Variants in ZNF831 observed in about 807,000 individuals in gnomAD.
ZNF831 encodes the protein zinc finger protein 831.
ZNF831 carries 59 observed loss-of-function variants against 95.8 expected under a neutral mutation model. The observed-to-expected ratio is 0.62, with a 90% CI of 0.50 to 0.77. The LOEUF is 0.77. Among genes scored for constraint, ZNF831 ranks in the 30% least tolerant of loss-of-function variants. The pLI is 0.00. For missense variants in ZNF831, 2,205 were observed against 2,164.0 expected (o/e 1.02, Z -0.38); for synonymous variants, 961 against 925.5 (o/e 1.04, Z -0.70).
intron 1 of ZNF831, among the ~76,000 whole-genome samples, chr20:59,129,244 C>CATGTGTGT (rs1979273990): frequency 6.6e-6 from 1 of 151,802 alleles, no homozygotes; most frequent in South Asian, 2.1e-4. Context: ...TGTGCATGTG[C>CATGTGTGT]ATGTGTGTAT....
At chr20:59,126,735 T>C (rs1979183104) in intron 1 of ZNF831, among the ~76,000 whole-genome samples, 1 of 152,234 alleles carries the variant, frequency 6.6e-6, no homozygotes, top group Non-Finnish European at 1.5e-5. Flanking sequence ...ATCAGCCACC[T>C]TGCACATGCT....
intron 4 of ZNF831, among the ~76,000 whole-genome samples, chr20:59,238,577 T>A (rs529287366): frequency 6.6e-6 from 1 of 152,268 alleles, no homozygotes; most frequent in South Asian, 2.1e-4. Flanking sequence ...AAAGGCCACA[T>A]TTGCTTTCTT....
intron 1 of ZNF831, among the ~76,000 whole-genome samples, chr20:59,137,346 A>G (rs1175906828): frequency 6.6e-6 from 1 of 151,398 alleles, no homozygotes; most frequent in Non-Finnish European, 1.5e-5. Context: ...CTTTCTCACT[A>G]CATTTTGTGT....
rs1336768184 is a variant in ZNF831 at position 59,192,828 on chromosome 20, C to A, written c.1809C>A (p.Gly603=). 2 of 1,608,192 alleles carry A rather than the reference C, an allele frequency of 1.2e-6. No individual in the cohort carries two copies. The highest frequency in any genetic ancestry group is 1.7e-5 in the Admixed American group (1 of 59,466). Residue 603 remains glycine (G), a synonymous_variant, in exon 2 of 6, where the codon GGC becomes GGA. Transcript: ENST00000371030. This position sits in a 1 kb window ranked among gnomAD's most constrained non-coding sequence, Gnocchi z 5.2. The stretch of plus-strand genomic sequence containing the variant: ...CCATGGCCGGCAAGGGCAGAGCGGG[C>A]GGCAGGAAGTGCGGCCAGAGAAGGC... ...REAMAGKGRA[G]GRKCGQRRLK...
intron 1 of ZNF831, among the ~76,000 whole-genome samples, chr20:59,133,887 C>G (rs1461497189): frequency 6.6e-6 from 1 of 152,200 alleles, no homozygotes; most frequent in Admixed American, 6.5e-5. Context: ...CAGAGAAGAG[C>G]GCATCATTGC....
chr20:59,252,325 C>T (rs1987931486), intron 4 of ZNF831, among the ~76,000 whole-genome samples: 1 of 151,884 alleles, frequency 6.6e-6, no homozygotes, highest in Non-Finnish European at 1.5e-5. Flanking sequence ...TCTCTGATCT[C>T]ATATCATGAT....
chr20:59,240,113 C>T (rs1185894727), intron 4 of ZNF831, among the ~76,000 whole-genome samples: 2 of 151,318 alleles, frequency 1.3e-5, no homozygotes. Context: ...TCTTCTCACC[C>T]CCACCCCCAC....
intron 4 of ZNF831, among the ~76,000 whole-genome samples, chr20:59,231,687 CA>C (rs1986729357): frequency 6.6e-6 from 1 of 152,218 alleles, no homozygotes; most frequent in Non-Finnish European, 1.5e-5. Context: ...CTTCCGCTTT[CA>C]AACATTTCTG....
At chr20:59,240,668 G>A (rs976884271) in intron 4 of ZNF831, among the ~76,000 whole-genome samples, 1 of 151,806 alleles carries the variant, frequency 6.6e-6, no homozygotes, top group East Asian at 1.9e-4. Context: ...CGGGCGTGGT[G>A]GCGGGCGCCT....
At chr20:59,232,993 GGC>G (rs1491331224) in intron 4 of ZNF831, among the ~76,000 whole-genome samples, 1 of 97,908 alleles carries the variant, frequency 1.0e-5, no homozygotes, top group Admixed American at 1.1e-4. Context: ...AGGACCCTGA[GGC>G]ACACACACAC....
At chr20:59,141,290 T>G (rs909670073) in intron 1 of ZNF831, among the ~76,000 whole-genome samples, 2 of 152,254 alleles carry the variant, frequency 1.3e-5, no homozygotes, top group African/African-American at 4.8e-5. Flanking sequence ...TCTACTTTGA[T>G]CTTGGGTCTC....
At position 59,137,480 on chromosome 20, in the gene ZNF831, C is replaced by G. The variant is rs370994849; in HGVS notation, c.-1424-8751C>G. Among the ~76,000 whole-genome samples, 73 of 152,220 alleles carry G rather than the reference C, an allele frequency of 4.8e-4. 2 individuals are homozygous for G. The South Asian group carries it at 0.013, about 28-fold the overall frequency. ...TCAAACTCAGACCTTTTTAGGTTCT[C>G]TTGGTGGCTCAAACTTTATGGGGTT... On this transcript the variant is annotated intron_variant, in intron 1 of 7. Coordinates refer to the ZNF831 transcript ENST00000637017.
intron 4 of ZNF831, among the ~76,000 whole-genome samples, chr20:59,231,752 A>G (rs1444461346): frequency 6.6e-6 from 1 of 152,206 alleles, no homozygotes; most frequent in African/African-American, 2.4e-5. Context: ...CGTTTGTAAA[A>G]GAAGGAGCAA....
rs1988286583 is a variant in ZNF831 at position 59,258,633 on chromosome 20, T to G, written c.*3890T>G. The stretch of plus-strand genomic sequence containing the variant: ...CTGCAGCAAGCTGGGCTTGTGTATT[T>G]TTCCTCACTTCAGTTGTTCTTCCCA... On this transcript the variant is annotated 3_prime_UTR_variant, in exon 6 of 6. Transcript: ENST00000371030. 6.6e-6 allele frequency: 1 copy of G among 152,506 alleles called. No homozygotes were observed. The highest frequency in any genetic ancestry group is 1.5e-5 in the Non-Finnish European group (1 of 68,036). The allele number at this position is 152,506 out of a possible 1,614,324, so 9.4% of individuals were successfully genotyped here.
chr20:59,161,334 G>A (rs1190648460), upstream of ZNF831, among the ~76,000 whole-genome samples: 1 of 151,876 alleles, frequency 6.6e-6, no homozygotes, highest in African/African-American at 2.4e-5. Flanking sequence ...CTGGAGTGCA[G>A]TGGCATGATC....
chr20:59,199,790 C>A (rs1296933624), intron 3 of ZNF831, among the ~76,000 whole-genome samples: 1 of 151,912 alleles, frequency 6.6e-6, no homozygotes, highest in African/African-American at 2.4e-5. Flanking sequence ...TTATATGTAC[C>A]CACATAATTG....
chr20:59,220,415 G>A (rs1986002426), intron 4 of ZNF831, among the ~76,000 whole-genome samples: 1 of 152,346 alleles, frequency 6.6e-6, no homozygotes, highest in South Asian at 2.1e-4. Context: ...GGAGGCAGAT[G>A]AGCCTGTAGG....
In ZNF831 at chr20:59,212,776, T is replaced by C. The variant is rs540340617; in HGVS notation, c.4027+5720T>C. On this transcript the variant is annotated intron_variant, in intron 4 of 5. Transcript: ENST00000371030. ...TGGTTAGGTGGGAACATGAGAACTT[T>C]CCCTAATAGACTGACTGCTGGTAAA... is the stretch of plus-strand genomic sequence containing the variant. Among the ~76,000 whole-genome samples the C allele has an allele frequency of 4.6e-5, 7 of 152,342 alleles. No individual in the cohort carries two copies. In the East Asian group the frequency reaches 1.2e-3, roughly 25 times the overall value.
At position 59,194,812 on chromosome 20, in the gene ZNF831, G is replaced by T. The variant is rs1379128869; in HGVS notation, c.3738+55G>T. The T allele has an allele frequency of 3.3e-6, 5 of 1,493,714 alleles. No homozygotes were observed. The East Asian group carries it at 7.0e-5, about 21-fold the overall frequency. The allele number at this position is 1,493,714 out of a possible 1,614,324, so 92.5% of individuals were successfully genotyped here. ...GGTTGAGAGAGCATGTTGTTATCCC[G>T]TAAGACCTCTCATGAGGGAAGGAAG... On this transcript the variant is annotated intron_variant, in intron 2 of 5. Transcript: ENST00000371030.
Sources: gnomAD v4.1 joint callset for allele counts (sites outside exome capture counted in the v4.1 genomes callset) on GRCh38, gnomAD v4.1.1 for gene constraint, Gnocchi (gnomAD v3.1) non-coding constraint, MANE v1.5 for transcripts, NCBI Gene and HGNC (gene_info 2026-07-23, HGNC 2026-07-21) for gene names.